The following ADGRB1 variants were observed in gnomAD, a reference collection of about 807,000 sequenced individuals.
ADGRB1 encodes the protein brain-specific angiogenesis inhibitor 1.
In ADGRB1, 36 loss-of-function variants were observed where a neutral mutation model predicts 175.7. The observed-to-expected ratio is 0.20, with a 90% CI of 0.16 to 0.27. ADGRB1 has a LOEUF of 0.27. Ranked by LOEUF, ADGRB1 falls within the 10% of genes least tolerant of loss-of-function variation. The pLI is 1.00. For synonymous variants in ADGRB1, 1,054 were observed against 979.4 expected, an observed-to-expected ratio of 1.08 and a Z score of -1.42; for missense variants, 1,731 against 2,255.3, an observed-to-expected ratio of 0.77 and a Z score of 4.71.
rs576487870 is a variant in ADGRB1, at chr8:142,476,575, C to G, written c.947-10C>G. ...AACCGCTCCTGTGCTGACCTAAGCC[C>G]GTCCTGCAGCCGCTGGGCGCACCAG... On this transcript the variant is annotated splice_polypyrimidine_tract_variant and intron_variant, in intron 3 of 30. Coordinates refer to ENST00000517894, the MANE Select transcript of ADGRB1 (RefSeq NM_001702.3). 7 of 1,548,080 alleles carry G rather than the reference C, an allele frequency of 4.5e-6. No homozygotes were observed. Among genetic ancestry groups the G allele is most frequent in the Middle Eastern group, 1.9e-4 (1 of 5,340 alleles).
At chr8:142,454,040 T>C (rs1335565921) in intron 1 of ADGRB1, among the ~76,000 whole-genome samples, 1 of 152,114 alleles carries the variant, frequency 6.6e-6, no homozygotes, top group African/African-American at 2.4e-5. Context: ...TTGGCCCATG[T>C]TCTGGGAGCT....
intron 1 of ADGRB1, among the ~76,000 whole-genome samples, chr8:142,453,382 C>G (rs908043120): frequency 1.3e-5 from 2 of 152,180 alleles, no homozygotes; most frequent in Admixed American, 6.5e-5. Flanking sequence ...TCTGTGTGCA[C>G]GGGATGGACC....
chr8:142,533,159 C>T (rs576171706), intron 24 of ADGRB1, 136 bp from the exon 25 acceptor site: 24 of 1,027,180 alleles, frequency 2.3e-5, no homozygotes, highest in South Asian at 5.4e-5. Flanking sequence ...GGAAGGGCTG[C>T]TTGGCCCAGG....
chr8:142,515,596 C>T (rs1221642198), intron 18 of ADGRB1, among the ~76,000 whole-genome samples: 2 of 152,234 alleles, frequency 1.3e-5, no homozygotes, highest in Non-Finnish European at 2.9e-5. Context: ...CGGCCTCAGG[C>T]CAGCCCAGTG....
At chr8:142,505,019 C>T (rs112875639) in intron 17 of ADGRB1, among the ~76,000 whole-genome samples, 10 of 120,398 alleles carry the variant, frequency 8.3e-5, no homozygotes, top group South Asian at 2.8e-4. Context: ...CTTCGTGGGC[C>T]GGCAGGAGGC....
At chr8:142,476,558 C>T (rs1347041555) in intron 3 of ADGRB1, 27 bp from the exon 4 acceptor site, 2 of 1,542,476 alleles carry the variant, frequency 1.3e-6, no homozygotes. Context: ...AGAACCGCTC[C>T]TGTGCTGACC....
In ADGRB1 at chr8:142,478,170, T is replaced by TCTCCTTC. The variant is rs753849255; in HGVS notation, c.1388-12_1388-6dup. The TCTCCTTC allele has an allele frequency of 6.7e-5, 106 of 1,592,338 alleles. No homozygotes were observed. In the South Asian group the frequency reaches 8.2e-4, roughly 12 times the overall value. ...GCCGGGTGTTCACGCCCACTTTGTGTCTCCTTCCTCCCCCGGGCCGGGCAG... is the reference window on the plus strand; with the variant it reads ...GCCGGGTGTTCACGCCCACTTTGTGTCTCCTTCCTCCTTCCTCCCCCGGGCCGGGCAG... On this transcript the variant is annotated splice_polypyrimidine_tract_variant and intron_variant, in intron 6 of 30. Transcript: ENST00000517894.
chr8:142,477,313 C>T (rs1841034920), intron 5 of ADGRB1, 35 bp downstream of exon 5: 1 of 1,583,138 alleles, frequency 6.3e-7, no homozygotes, highest in Admixed American at 1.7e-5. Flanking sequence ...AGCGGACAGC[C>T]AGGGCAGCGG....
Position 142,492,744 on chromosome 8 carries a change from G to T in ADGRB1, c.2675+1929G>T, listed in dbSNP as rs1434117206. Among the ~76,000 whole-genome samples the T allele has an allele frequency of 1.3e-5, 2 of 152,170 alleles. No individual in the cohort carries two copies. The highest frequency in any genetic ancestry group is 2.4e-5 in the African/African-American group (1 of 41,436). ...AGCCAGCTCTCTAGCTCTCGTAAGG[G>T]TGGAAAAAGAAAATGCAAGAAGAAA... On this transcript the variant is annotated intron_variant, in intron 17 of 30. Transcript: ENST00000517894. This position sits in a 1 kb window ranked among gnomAD's most constrained non-coding sequence, Gnocchi z 4.4.
chr8:142,517,010 G>T (rs893726357), intron 18 of ADGRB1, among the ~76,000 whole-genome samples: 1 of 152,182 alleles, frequency 6.6e-6, no homozygotes, highest in Non-Finnish European at 1.5e-5. Flanking sequence ...GTCTGTGGCC[G>T]GCCCAGGCCC....
intron 24 of ADGRB1, among the ~76,000 whole-genome samples, chr8:142,529,340 T>G (rs772372262): frequency 1.2e-4 from 18 of 150,922 alleles, no homozygotes; most frequent in Admixed American, 3.3e-4. Context: ...GCAGATGTGT[T>G]TGTGTGTGTG....
chr8:142,514,312 G>A (rs1324375175), intron 18 of ADGRB1, among the ~76,000 whole-genome samples: 5 of 152,016 alleles, frequency 3.3e-5, no homozygotes, highest in African/African-American at 1.2e-4. Context: ...TGAGACCCAC[G>A]AGTCCTCCTC....
intron 24 of ADGRB1, among the ~76,000 whole-genome samples, chr8:142,531,827 A>G (rs2132216243): frequency 6.6e-6 from 1 of 152,286 alleles, no homozygotes; most frequent in Non-Finnish European, 1.5e-5. Flanking sequence ...GAGGAGGAAG[A>G]GAGTCCAGGA....
rs188406274 is a variant in ADGRB1, at chr8:142,499,267, T to C, written c.2675+8452T>C. Among the ~76,000 whole-genome samples, 226 of 152,332 alleles carry C rather than the reference T, an allele frequency of 1.5e-3. 1 individual carries two copies. Among genetic ancestry groups the C allele is most frequent in the African/African-American group, 4.8e-3 (200 of 41,574 alleles). ...CACTGGCAGGGTGGTTATGGGTGAC[T>C]TCCCCCTCCTCTAGTCTTGGCTCCC... On this transcript the variant is annotated intron_variant, in intron 17 of 30. Coordinates refer to ENST00000517894, the MANE Select transcript of ADGRB1 (RefSeq NM_001702.3).
intron 1 of ADGRB1, among the ~76,000 whole-genome samples, chr8:142,457,937 CG>C (rs1018086509): frequency 6.6e-6 from 1 of 152,178 alleles, no homozygotes; most frequent in Non-Finnish European, 1.5e-5. Context: ...GCACCCTGAG[CG>C]GGGAAGGCCA....
intron 13 of ADGRB1, 22 bp from the exon 14 acceptor site, chr8:142,488,342 C>T (rs752476126): frequency 6.2e-6 from 10 of 1,612,344 alleles, no homozygotes; most frequent in Admixed American, 3.3e-5. Context: ...TCTGTCTCTC[C>T]CGCCTTTGAC....
At position 142,449,817 on chromosome 8, in the gene ADGRB1, G is replaced by A. The variant is rs1234144969; in HGVS notation, c.-507G>A. The A allele has an allele frequency of 6.8e-6, 1 of 146,356 alleles. No homozygotes were observed. Among genetic ancestry groups the A allele is most frequent in the Non-Finnish European group, 1.5e-5 (1 of 65,784 alleles). The allele number at this position is 146,356 out of a possible 1,614,324, so 9.1% of individuals were successfully genotyped here. On this transcript the variant is annotated 5_prime_UTR_variant, in exon 1 of 31. Coordinates refer to ENST00000517894, the MANE Select transcript of ADGRB1 (RefSeq NM_001702.3). ...GCCGCGCCGCGTCCTGGCCCGGCCC[G>A]GGCCCGCGCGCCAGCATCGTCCGCA... is the stretch of plus-strand genomic sequence containing the variant.
intron 24 of ADGRB1, 99 bp from the exon 25 acceptor site, chr8:142,533,196 G>A: frequency 7.7e-7 from 1 of 1,305,680 alleles, no homozygotes; most frequent in Non-Finnish European, 1.0e-6. Flanking sequence ...CGGGGACTTA[G>A]GGCTGGGTCC....
intron 2 of ADGRB1, 58 bp downstream of exon 2, chr8:142,465,040 GCA>G: frequency 3.9e-6 from 4 of 1,018,740 alleles, no homozygotes; most frequent in South Asian, 1.7e-5. Context: ...GGGGAGGCGG[GCA>G]GACAGGGGAG....
Sources: allele counts gnomAD v4.1 joint callset (sites outside exome capture counted in the v4.1 genomes callset), GRCh38; gene constraint gnomAD v4.1.1; non-coding constraint Gnocchi (gnomAD v3.1); transcripts MANE v1.5; gene names NCBI Gene and HGNC (gene_info 2026-07-23, HGNC 2026-07-21).